Variants in ZFAND3 observed in about 807,000 individuals in gnomAD.
ZFAND3 encodes AN1-type zinc finger protein 3.
ZFAND3 carries 10 observed loss-of-function variants against 29.6 expected under a neutral mutation model. The ratio of observed to expected loss-of-function variants is 0.34; its 90% CI spans 0.21 to 0.57. The LOEUF is 0.57. Among genes scored for constraint, ZFAND3 ranks in the 20% least tolerant of loss-of-function variants. The pLI is 0.86. For synonymous variants in ZFAND3, 128 were observed against 112.6 expected (o/e 1.14, Z -0.87); for missense variants, 230 against 304.5 (o/e 0.76, Z 1.82).
At chr6:37,904,577 C>G (rs920441108) in intron 1 of ZFAND3, among the ~76,000 whole-genome samples, 5 of 152,014 alleles carry the variant, frequency 3.3e-5, no homozygotes, top group Non-Finnish European at 7.4e-5. Flanking sequence ...TACATTTTCC[C>G]CATGTATAAT....
chr6:38,138,360 A>G (rs1765883257), intron 5 of ZFAND3, among the ~76,000 whole-genome samples: 1 of 152,134 alleles, frequency 6.6e-6, no homozygotes, highest in African/African-American at 2.4e-5. Flanking sequence ...TTCATGTACT[A>G]CCTTTAAATA....
chr6:37,920,203 A>G (rs1761351599), intron 1 of ZFAND3, among the ~76,000 whole-genome samples: 1 of 151,984 alleles, frequency 6.6e-6, no homozygotes, highest in Non-Finnish European at 1.5e-5. Flanking sequence ...TTGGGGATAT[A>G]TAGTGGGACA....
intron 4 of ZFAND3, among the ~76,000 whole-genome samples, chr6:38,109,480 C>G (rs1765274106): frequency 6.6e-6 from 1 of 151,996 alleles, no homozygotes; most frequent in Non-Finnish European, 1.5e-5. Context: ...CTGCGCCCAG[C>G]CTGCCATGAC....
chr6:38,153,552 C>A lies in ZFAND3; in HGVS notation c.*1163C>A. 1 of 985,544 alleles carries A rather than the reference C, an allele frequency of 1.0e-6. No homozygotes were observed. The highest frequency in any genetic ancestry group is 1.7e-5 in the African/African-American group (1 of 57,360). The allele number at this position is 985,544 out of a possible 1,614,324, so 61.0% of individuals were successfully genotyped here. A position where few individuals can be genotyped will look rare whatever the true frequency, so the allele number is the denominator to read the frequency against. ...CTAGAACAGCGGTTTGTGGCTGTGG[C>A]CCAGCTCCGAGAGTGATATTTGCTC... On this transcript the variant is annotated 3_prime_UTR_variant, in exon 6 of 6. Transcript: ENST00000287218.
chr6:37,833,363 C>T (rs1431736038), intron 1 of ZFAND3, among the ~76,000 whole-genome samples: 8 of 152,162 alleles, frequency 5.3e-5, no homozygotes, highest in African/African-American at 9.7e-5. Flanking sequence ...TTCCTGTCCT[C>T]TTCCAGTAAC....
At chr6:38,074,514 A>G (rs998984666) in intron 3 of ZFAND3, among the ~76,000 whole-genome samples, 1 of 152,210 alleles carries the variant, frequency 6.6e-6, no homozygotes, top group South Asian at 2.1e-4. Flanking sequence ...CCATGCTAGT[A>G]AAGAAGTTAC....
chr6:37,963,672 C>T (rs1762240069), intron 2 of ZFAND3, among the ~76,000 whole-genome samples: 2 of 151,758 alleles, frequency 1.3e-5, no homozygotes, highest in African/African-American at 2.4e-5. Flanking sequence ...ACAGTAATAC[C>T]TTCTCTTTAT....
At chr6:37,839,873 A>T (rs1764040985) in intron 1 of ZFAND3, among the ~76,000 whole-genome samples, 2 of 151,836 alleles carry the variant, frequency 1.3e-5, no homozygotes, top group South Asian at 4.2e-4. Context: ...GGATTTGCAA[A>T]TTTTTTTCCC....
At chr6:38,007,718 C>T (rs1763076474) in intron 2 of ZFAND3, among the ~76,000 whole-genome samples, 1 of 152,166 alleles carries the variant, frequency 6.6e-6, no homozygotes, top group African/African-American at 2.4e-5. Context: ...GTGATTCCTG[C>T]ACAGCCACAG....
chr6:38,000,196 A>G (rs1270656659), intron 2 of ZFAND3, among the ~76,000 whole-genome samples: 3 of 152,136 alleles, frequency 2.0e-5, no homozygotes, highest in Non-Finnish European at 4.4e-5. Flanking sequence ...AGGTTTTGAG[A>G]TGATGTTGAT....
chr6:37,954,722 C>T (rs947499024), intron 2 of ZFAND3, among the ~76,000 whole-genome samples: 17 of 152,120 alleles, frequency 1.1e-4, no homozygotes, highest in Non-Finnish European at 1.8e-4. Flanking sequence ...AAAAACTTCC[C>T]ATGCTTTATT....
chr6:38,116,794 A>G (rs576122658), intron 5 of ZFAND3, 55 bp downstream of exon 5: 25 of 1,559,226 alleles, frequency 1.6e-5, no homozygotes, highest in Non-Finnish European at 2.6e-6. Context: ...ACCTTGGCCC[A>G]GCTTTGGAAA....
chr6:37,884,551 G>T (rs1764956895), intron 1 of ZFAND3, among the ~76,000 whole-genome samples: 2 of 138,774 alleles, frequency 1.4e-5, no homozygotes, highest in Non-Finnish European at 3.0e-5. Context: ...CATGTCTTTT[G>T]AGAGATTGTT....
At chr6:37,823,117 C>T (rs1763696683) in intron 1 of ZFAND3, among the ~76,000 whole-genome samples, 1 of 152,096 alleles carries the variant, frequency 6.6e-6, no homozygotes, top group Admixed American at 6.6e-5. Context: ...GTGGGTATGA[C>T]TCTGTGTGTC....
chr6:37,829,225 G>A (rs1033025111), intron 1 of ZFAND3, among the ~76,000 whole-genome samples: 10 of 135,114 alleles, frequency 7.4e-5, no homozygotes, highest in Non-Finnish European at 1.6e-4. Flanking sequence ...ATGAGGCTTT[G>A]TTGCTTTAAA....
intron 1 of ZFAND3, among the ~76,000 whole-genome samples, chr6:37,888,200 G>A (rs911928764): frequency 6.6e-6 from 1 of 152,020 alleles, no homozygotes; most frequent in Non-Finnish European, 1.5e-5. Context: ...ATTTTTGCAG[G>A]TTTGATTAGA....
intron 1 of ZFAND3, among the ~76,000 whole-genome samples, chr6:37,841,250 C>CT (rs2127373978): frequency 6.6e-6 from 1 of 152,260 alleles, no homozygotes; most frequent in South Asian, 2.1e-4. Flanking sequence ...TCTCTAGTGT[C>CT]TGATTTTCTC....
intron 5 of ZFAND3, among the ~76,000 whole-genome samples, chr6:38,144,232 T>TATAATATATATATATATATA (rs147631639): frequency 2.1e-5 from 1 of 48,306 alleles, no homozygotes; most frequent in African/African-American, 1.2e-4. Context: ...TATATATATA[T>TATAATATATATATATATATA]TTTTTTTTTA....
At chr6:38,138,770 G>A (rs942446914) in intron 5 of ZFAND3, among the ~76,000 whole-genome samples, 5 of 152,238 alleles carry the variant, frequency 3.3e-5, no homozygotes, top group African/African-American at 1.2e-4. Context: ...CACTCACACT[G>A]AGGCAGAGAA....
Sources: gnomAD v4.1 joint callset for allele counts (sites outside exome capture counted in the v4.1 genomes callset) on GRCh38, gnomAD v4.1.1 for gene constraint, MANE v1.5 for transcripts, NCBI Gene and HGNC (gene_info 2026-07-23, HGNC 2026-07-21) for gene names.